The following EPB41L4A variants were observed in gnomAD, a reference collection of about 807,000 sequenced individuals.
EPB41L4A encodes erythrocyte membrane protein band 4.1 like 4A, also known as band 4.1-like protein 4A.
EPB41L4A carries 100 observed loss-of-function variants against 108.6 expected under a neutral mutation model. That is an observed-to-expected ratio of 0.92 (90% confidence interval 0.78 to 1.09). The LOEUF is 1.09. EPB41L4A is among the 50% of genes least tolerant of loss of function. The probability of loss-of-function intolerance (pLI) is 0.00; values close to 1 mark genes in which losing one functional copy is unlikely to be tolerated. For missense variants in EPB41L4A, 1,030 were observed against 842.7 expected (o/e 1.22, Z -2.75); for synonymous variants, 319 against 289.0 (o/e 1.10, Z -1.05).
intron 3 of EPB41L4A, among the ~76,000 whole-genome samples, chr5:112,278,184 T>C (rs1347503335): frequency 1.3e-5 from 2 of 152,170 alleles, no homozygotes; most frequent in Admixed American, 6.5e-5. Context: ...TGAGATAAAA[T>C]GTAAGGATTC....
At chr5:112,278,972 G>A (rs1214989749) in intron 3 of EPB41L4A, among the ~76,000 whole-genome samples, 1 of 144,750 alleles carries the variant, frequency 6.9e-6, no homozygotes, top group Non-Finnish European at 1.5e-5. Context: ...GGCTGAGGCA[G>A]AAGAATTGCT....
At chr5:112,350,117 A>G (rs1472022284) in intron 1 of EPB41L4A, among the ~76,000 whole-genome samples, 1 of 146,850 alleles carries the variant, frequency 6.8e-6, no homozygotes, top group East Asian at 2.0e-4. Context: ...AGTGTCAGGT[A>G]TGACTGAGGG....
At chr5:112,320,288 A>T (rs1427951602) in intron 1 of EPB41L4A, among the ~76,000 whole-genome samples, 1 of 152,176 alleles carries the variant, frequency 6.6e-6, no homozygotes, top group African/African-American at 2.4e-5. Context: ...GAAGGCTGTG[A>T]CCCACTCTAT....
chr5:112,375,952 A>T (rs1440613383), intron 1 of EPB41L4A, among the ~76,000 whole-genome samples: 2 of 152,184 alleles, frequency 1.3e-5, no homozygotes, highest in Non-Finnish European at 2.9e-5. Flanking sequence ...TAGGGTATGA[A>T]AAAGAGGCAA....
At chr5:112,143,925 G>C (rs1176859534) in intron 13 of EPB41L4A, 1 of 450,194 alleles carries the variant, frequency 2.2e-6, no homozygotes, top group Non-Finnish European at 4.5e-6. Flanking sequence ...AGTTGCCAAA[G>C]ACAATACTAC....
intron 12 of EPB41L4A, chr5:112,210,222 A>C (rs1762669830): frequency 3.1e-6 from 1 of 319,230 alleles, no homozygotes; most frequent in Non-Finnish European, 5.6e-6. Flanking sequence ...TCAGACTTTA[A>C]AACTAAGTCT....
At chr5:112,291,929 G>T (rs928995557) in intron 2 of EPB41L4A, among the ~76,000 whole-genome samples, 1 of 152,202 alleles carries the variant, frequency 6.6e-6, no homozygotes, top group African/African-American at 2.4e-5. Context: ...ACTCCAACTT[G>T]AAGCCAGTTG....
chr5:112,384,793 A>G (rs1561629502), intron 1 of EPB41L4A, among the ~76,000 whole-genome samples: 3 of 151,562 alleles, frequency 2.0e-5, no homozygotes, highest in African/African-American at 7.3e-5. Context: ...GAGAAGAAAA[A>G]AAGGAAGGAA....
At chr5:112,328,779 T>C (rs1335495928) in intron 1 of EPB41L4A, among the ~76,000 whole-genome samples, 1 of 152,228 alleles carries the variant, frequency 6.6e-6, no homozygotes, top group Non-Finnish European at 1.5e-5. Flanking sequence ...TTCCTTGCAT[T>C]TTTTGGTTAG....
intron 12 of EPB41L4A, among the ~76,000 whole-genome samples, chr5:112,218,997 G>A (rs1034075971): frequency 3.3e-5 from 5 of 152,128 alleles, no homozygotes; most frequent in African/African-American, 1.2e-4. Flanking sequence ...ATACCGATTC[G>A]TTGTGTCATC....
At chr5:112,274,147 G>A (rs901383210) in intron 4 of EPB41L4A, among the ~76,000 whole-genome samples, 1 of 152,016 alleles carries the variant, frequency 6.6e-6, no homozygotes, top group East Asian at 1.9e-4. Flanking sequence ...AGGTGTAGTG[G>A]CACACACCTG....
intron 15 of EPB41L4A, among the ~76,000 whole-genome samples, chr5:112,199,175 A>G (rs4958012): frequency 0.78 from 119,251 of 152,178 alleles, 47,379 homozygotes; most frequent in East Asian, 1. Flanking sequence ...TCCTGCAGTG[A>G]GATTCTCTAG....
chr5:112,210,306 T>C (rs911988738), intron 12 of EPB41L4A, among the ~76,000 whole-genome samples: 1 of 152,204 alleles, frequency 6.6e-6, no homozygotes, highest in Non-Finnish European at 1.5e-5. Context: ...TAGTACCATA[T>C]ATTAGAATAT....
intron 1 of EPB41L4A, among the ~76,000 whole-genome samples, chr5:112,400,178 G>GA (rs1318281313): frequency 5.3e-5 from 8 of 152,130 alleles, no homozygotes; most frequent in Non-Finnish European, 7.4e-5. Flanking sequence ...AAGGTGGTAG[G>GA]AAAGAGAGAG....
chr5:112,249,180 G>C (rs1399541081), intron 9 of EPB41L4A: 3 of 152,160 alleles, frequency 2.0e-5, no homozygotes, highest in Non-Finnish European at 4.4e-5. Flanking sequence ...AGGTGGGGAA[G>C]AGGCTAAAAA....
At chr5:112,263,721 C>T (rs924344531) in intron 6 of EPB41L4A, 5 of 152,190 alleles carry the variant, frequency 3.3e-5, no homozygotes, top group African/African-American at 1.2e-4. Flanking sequence ...CTTTCTCTGA[C>T]TGCAATTCAG....
downstream of EPB41L4A, chr5:112,161,427 G>C (rs1435402557): frequency 6.4e-6 from 3 of 465,686 alleles, no homozygotes; most frequent in Non-Finnish European, 1.3e-5. Context: ...GGCTGTAATC[G>C]GCATTACTGT....
rs557729402 is a variant in EPB41L4A at position 112,279,197 on chromosome 5, C to T, written c.256+1075G>A. On this transcript the variant is annotated intron_variant, in intron 3 of 22. Coordinates refer to ENST00000261486, the MANE Select transcript of EPB41L4A (RefSeq NM_022140.5). Reference sequence around the variant, plus strand: ...GGTTTCCACTACAGAGGTGGAAAGGCGATGAGAAACAACAATGATGCTGAC... The same window carrying T: ...GGTTTCCACTACAGAGGTGGAAAGGTGATGAGAAACAACAATGATGCTGAC... 1.8e-4 allele frequency among the ~76,000 whole-genome samples: 28 copies of T among 151,732 alleles called. No homozygotes were observed. In the South Asian group the frequency reaches 5.8e-3, roughly 32 times the overall value.
At chr5:112,280,464 A>G (rs1752897375) in intron 2 of EPB41L4A, 141 bp from the exon 3 acceptor site, 7 of 733,726 alleles carry the variant, frequency 9.5e-6, no homozygotes, top group South Asian at 3.1e-5. Flanking sequence ...ACACACAAAC[A>G]TACATAAGAG....
Sources: gnomAD v4.1 joint callset for allele counts (sites outside exome capture counted in the v4.1 genomes callset) on GRCh38, gnomAD v4.1.1 for gene constraint, MANE v1.5 for transcripts, NCBI Gene and HGNC (gene_info 2026-07-23, HGNC 2026-07-21) for gene names.